The following DRG1 variants were observed in gnomAD, a reference collection of about 807,000 sequenced individuals.
The protein encoded by DRG1 is developmentally-regulated GTP-binding protein 1.
A neutral mutation model predicts 38.8 loss-of-function variants in DRG1; 19 were observed. The ratio of observed to expected loss-of-function variants is 0.49; its 90% CI spans 0.34 to 0.72. The LOEUF (loss-of-function observed/expected upper bound fraction) is 0.72. Among genes scored for constraint, DRG1 ranks in the 30% least tolerant of loss-of-function variants. The probability of loss-of-function intolerance (pLI) is 0.01; values close to 1 mark genes in which losing one functional copy is unlikely to be tolerated. For synonymous variants in DRG1, 167 were observed against 157.5 expected (o/e 1.06, Z -0.45); for missense variants, 299 against 444.8 (o/e 0.67, Z 2.95).
At chr22:31,402,545 G>C (rs1282416307) in intron 2 of DRG1, among the ~76,000 whole-genome samples, 2 of 110,150 alleles carry the variant, frequency 1.8e-5, no homozygotes, top group Non-Finnish European at 3.4e-5. Context: ...GTCTTGCTCT[G>C]TTGCCCAGGC....
chr22:31,410,950 A>T, intron 3 of DRG1, 62 bp from the exon 4 acceptor site: 1 of 1,538,032 alleles, frequency 6.5e-7, no homozygotes, highest in African/African-American at 1.4e-5. Context: ...ATTCTGTTTG[A>T]TATTTTCAAA....
At chr22:31,422,755 C>T (rs1457467445) in intron 5 of DRG1, among the ~76,000 whole-genome samples, 4 of 152,138 alleles carry the variant, frequency 2.6e-5, no homozygotes, top group Admixed American at 6.6e-5. Flanking sequence ...TGCCATAATA[C>T]GGTACCACAG....
At position 31,424,802 on chromosome 22, in the gene DRG1, C is replaced by CG; in HGVS notation, c.713+1392_713+1393insG. Among the ~76,000 whole-genome samples, 2 of 14,418 alleles carry CG rather than the reference C, an allele frequency of 1.4e-4. 1 individual carries two copies. Among genetic ancestry groups the CG allele is most frequent in the Non-Finnish European group, 2.8e-4 (2 of 7,230 alleles). The allele number at this position is 14,418 out of a possible 152,430, so 9.5% of individuals were successfully genotyped here. A position where few individuals can be genotyped will look rare whatever the true frequency, so the allele number is the denominator to read the frequency against. ...ATGAGCTGCTGTGCCCGGCACCCGC[C>CG]CCCCCCCCCTTTTTTTTTTTTTTGG... On this transcript the variant is annotated intron_variant, in intron 6 of 8. Transcript: ENST00000331457.
At chr22:31,409,633 A>T (rs2050007880) in intron 3 of DRG1, among the ~76,000 whole-genome samples, 1 of 152,198 alleles carries the variant, frequency 6.6e-6, no homozygotes. Context: ...GATTCAGCTG[A>T]TACCTGCTGT....
chr22:31,399,630 T>C lies in DRG1; in HGVS notation c.-54T>C. On this transcript the variant is annotated 5_prime_UTR_variant, in exon 1 of 9. Coordinates refer to ENST00000331457, the MANE Select transcript of DRG1 (RefSeq NM_004147.4). ...GTAGCGCCTGGTGGCGGTGGCAGTT[T>C]GCCCGCGGGTGTGTGAAGGGAGACA... 6.2e-7 allele frequency: 1 copy of C among 1,613,570 alleles called. No homozygotes were observed. Among genetic ancestry groups the C allele is most frequent in the Non-Finnish European group, 8.5e-7 (1 of 1,179,504 alleles).
At chr22:31,405,676 TG>T (rs2049985684) in intron 3 of DRG1, among the ~76,000 whole-genome samples, 1 of 147,760 alleles carries the variant, frequency 6.8e-6, no homozygotes, top group South Asian at 2.2e-4. Flanking sequence ...CATGTGTGTG[TG>T]TGTGGGGGGG....
intron 8 of DRG1, among the ~76,000 whole-genome samples, chr22:31,427,506 A>G (rs940395310): frequency 6.6e-6 from 1 of 152,152 alleles, no homozygotes; most frequent in African/African-American, 2.4e-5. Context: ...GCCCCCTTCT[A>G]AACCTTAAAC....
At chr22:31,406,006 C>CTTT (rs993821605) in intron 3 of DRG1, among the ~76,000 whole-genome samples, 3 of 129,416 alleles carry the variant, frequency 2.3e-5, no homozygotes, top group Non-Finnish European at 5.0e-5. Context: ...TTTCTTTTTT[C>CTTT]TTTTTTTTTT....
chr22:31,412,750 T>G (rs1415440018), intron 4 of DRG1, among the ~76,000 whole-genome samples: 1 of 151,686 alleles, frequency 6.6e-6, no homozygotes, highest in Non-Finnish European at 1.5e-5. Context: ...AGTGCAGTGG[T>G]GGGATCTCGG....
At chr22:31,408,134 CTTTTTTTTT>C (rs1206312150) in intron 3 of DRG1, among the ~76,000 whole-genome samples, 1 of 38,302 alleles carries the variant, frequency 2.6e-5, no homozygotes, top group African/African-American at 1.0e-4. Flanking sequence ...TTTTTTCCTT[CTTTTTTTTT>C]TTTTTTTTTT....
chr22:31,402,923 G>A, intron 2 of DRG1, 106 bp from the exon 3 acceptor site: 1 of 1,289,586 alleles, frequency 7.8e-7, no homozygotes, highest in Non-Finnish European at 1.1e-6. Flanking sequence ...AAAAGTTTGA[G>A]AAATAGTGCC....
intron 3 of DRG1, among the ~76,000 whole-genome samples, chr22:31,409,456 C>G (rs762085599): frequency 6.6e-6 from 1 of 152,078 alleles, no homozygotes; most frequent in Admixed American, 6.6e-5. Flanking sequence ...GTACAGATCC[C>G]TATCTGTTGG....
rs1164979117 is a variant in DRG1 at position 31,420,250 on chromosome 22, C to T, written c.413-6C>T. On this transcript the variant is annotated splice_region_variant and splice_polypyrimidine_tract_variant and intron_variant, in intron 4 of 8. Transcript: ENST00000331457. ...TTCTTGCGTATGTTTTTTTCTTACT[C>T]TTCAGTGGCCCGAACCTGTAACTTG... 2 of 1,610,708 alleles carry T rather than the reference C, an allele frequency of 1.2e-6. No individual in the cohort carries two copies. The highest frequency in any genetic ancestry group is 1.7e-5 in the Admixed American group (1 of 59,462).
intron 6 of DRG1, among the ~76,000 whole-genome samples, chr22:31,425,685 C>A (rs954673956): frequency 6.6e-6 from 1 of 152,202 alleles, no homozygotes; most frequent in Non-Finnish European, 1.5e-5. Flanking sequence ...AAGCAATCTG[C>A]CTGCCTTGGC....
intron 8 of DRG1, among the ~76,000 whole-genome samples, chr22:31,428,446 C>T (rs1013024161): frequency 1.3e-5 from 2 of 151,986 alleles, no homozygotes; most frequent in Admixed American, 1.3e-4. Flanking sequence ...ATCTCCTGAC[C>T]TTGTGATCTG....
At position 31,427,096 on chromosome 22, in the gene DRG1, A is replaced by G; in HGVS notation, c.918A>G (p.Thr306=). ...TKPKGQLPDY[T]SPVVLPYSRT... ...CCAAAGGCCAGTTACCAGATTACAC[A>G]TCCCCAGTGGTGCTTCCTTACTCCA... Residue 306 remains threonine, a synonymous_variant, in exon 8 of 9, where the codon ACA becomes ACG. Coordinates refer to ENST00000331457, the MANE Select transcript of DRG1 (RefSeq NM_004147.4). 6.2e-7 allele frequency: 1 copy of G among 1,614,080 alleles called. No homozygotes were observed. The highest frequency in any genetic ancestry group is 8.5e-7 in the Non-Finnish European group (1 of 1,179,980).
intron 3 of DRG1, among the ~76,000 whole-genome samples, chr22:31,406,756 C>A (rs1160632343): frequency 6.6e-6 from 1 of 151,964 alleles, no homozygotes; most frequent in Non-Finnish European, 1.5e-5. Flanking sequence ...TAACATCTTA[C>A]ATAACCATAG....
chr22:31,426,015 A>T (rs968585587), intron 6 of DRG1, among the ~76,000 whole-genome samples: 1 of 152,226 alleles, frequency 6.6e-6, no homozygotes, highest in Non-Finnish European at 1.5e-5. Flanking sequence ...GGTAGATGCT[A>T]TATCAGTTTT....
chr22:31,419,431 CCTT>C (rs2050063600), intron 4 of DRG1, among the ~76,000 whole-genome samples: 3 of 151,578 alleles, frequency 2.0e-5, no homozygotes, highest in African/African-American at 7.3e-5. Flanking sequence ...TCCAAGCAAT[CCTT>C]CTGCCTCAAC....
Sources: gnomAD v4.1 joint callset for allele counts (sites outside exome capture counted in the v4.1 genomes callset) on GRCh38, gnomAD v4.1.1 for gene constraint, MANE v1.5 for transcripts, NCBI Gene and HGNC (gene_info 2026-07-23, HGNC 2026-07-21) for gene names.